The following FBXO34 variants were observed in gnomAD, a reference collection of about 807,000 sequenced individuals.
FBXO34 encodes F-box only protein 34.
Under a neutral mutation model 24.5 loss-of-function variants are expected in FBXO34, and 12 were observed. That is an observed-to-expected ratio of 0.49 (90% CI 0.31 to 0.79). The LOEUF (loss-of-function observed/expected upper bound fraction) is 0.79, where lower values mean the gene tolerates loss of function less well. Ranked by LOEUF, FBXO34 falls within the 30% of genes least tolerant of loss-of-function variation. FBXO34 has a pLI of 0.04. For missense variants in FBXO34, 823 were observed against 857.7 expected (o/e 0.96, Z 0.51); for synonymous variants, 320 against 311.9 (o/e 1.03, Z -0.27).
At chr14:55,287,632 G>A (rs1398890613) in intron 1 of FBXO34, among the ~76,000 whole-genome samples, 1 of 152,024 alleles carries the variant, frequency 6.6e-6, no homozygotes, top group African/African-American at 2.4e-5. Flanking sequence ...TAGACTTTTT[G>A]TTTGTTTGTT....
chr14:55,371,751 C>T (rs780681612), downstream of FBXO34, among the ~76,000 whole-genome samples: 56 of 151,838 alleles, frequency 3.7e-4, no homozygotes, highest in Non-Finnish European at 6.6e-4. Context: ...TTGCAGTGAG[C>T]CGAGATGGCG....
At chr14:55,439,237 C>T in the FBXO34 span, among the ~76,000 whole-genome samples, 1 of 150,012 alleles carries the variant, frequency 6.7e-6, no homozygotes, top group African/African-American at 2.4e-5. Context: ...CCTCACCCTG[C>T]CCAATGCTAA....
intron 1 of FBXO34, among the ~76,000 whole-genome samples, chr14:55,300,576 C>T (rs1882317288): frequency 1.3e-5 from 2 of 152,328 alleles, no homozygotes; most frequent in East Asian, 3.9e-4. Flanking sequence ...GCCTGGGCGA[C>T]AGAGCGAGAC....
rs556766854 is a variant in FBXO34 at position 55,281,589 on chromosome 14, A to T, written c.-11+10052A>T. On this transcript the variant is annotated intron_variant, in intron 1 of 1. Coordinates refer to ENST00000313833, the MANE Select transcript of FBXO34 (RefSeq NM_017943.4). ...TGGGACTCCCTGCAATAAACCTGGT[A>T]TTCAGGCAGTTTCCTCAGCCTTGCT... is the stretch of plus-strand genomic sequence containing the variant. 5.9e-5 allele frequency among the ~76,000 whole-genome samples: 9 copies of T among 152,304 alleles called. No homozygotes were observed. The South Asian group carries it at 1.9e-3, about 32-fold the overall frequency.
At chr14:55,370,579 A>C (rs950039050), downstream of FBXO34, among the ~76,000 whole-genome samples, 2 of 152,096 alleles carry the variant, frequency 1.3e-5, no homozygotes, top group Non-Finnish European at 2.9e-5. Flanking sequence ...CTTAGGCCTC[A>C]TCCTCTTTGC....
At chr14:55,412,414 A>T in the FBXO34 span, among the ~76,000 whole-genome samples, 1 of 152,190 alleles carries the variant, frequency 6.6e-6, no homozygotes, top group South Asian at 2.1e-4. Context: ...AATAGTGAAA[A>T]CAACCAAAGT....
At chr14:55,347,628 G>A (rs7148669) in intron 1 of FBXO34, among the ~76,000 whole-genome samples, 125,537 of 152,252 alleles carry the variant, frequency 0.82, 52,521 homozygotes, top group East Asian at 1. Flanking sequence ...CTTCCCTCAC[G>A]TCTGTTCCCT....
At chr14:55,279,284 CAAA>C (rs397767008) in intron 1 of FBXO34, among the ~76,000 whole-genome samples, 8 of 118,236 alleles carry the variant, frequency 6.8e-5, no homozygotes, top group Admixed American at 9.2e-5. Flanking sequence ...GAGACTCCGT[CAAA>C]AAAAAAAAAA....
At chr14:55,354,511 CTT>C (rs774723604), downstream of FBXO34, 2 of 152,248 alleles carry the variant, frequency 1.3e-5, no homozygotes, top group African/African-American at 2.4e-5. Flanking sequence ...ATCAGCCACT[CTT>C]GATCTGGTTT....
intron 1 of FBXO34, among the ~76,000 whole-genome samples, chr14:55,273,004 C>T (rs1025703765): frequency 2.6e-5 from 4 of 152,172 alleles, no homozygotes; most frequent in African/African-American, 9.7e-5. Context: ...TGACCCTCTT[C>T]GGGTATTCCA....
At chr14:55,385,897 A>T in the FBXO34 span, 45 of 1,613,116 alleles carry the variant, frequency 2.8e-5, no homozygotes, top group South Asian at 2.2e-4. Flanking sequence ...GAAAAATGAC[A>T]GAGGTGAGCT....
chr14:55,346,339 G>C (rs928928864), intron 1 of FBXO34, among the ~76,000 whole-genome samples: 2 of 152,192 alleles, frequency 1.3e-5, no homozygotes, highest in Non-Finnish European at 2.9e-5. Context: ...GTTGTGCTAG[G>C]GATAAAGAGT....
chr14:55,282,037 G>A (rs1398420287), intron 1 of FBXO34, among the ~76,000 whole-genome samples: 1 of 71,440 alleles, frequency 1.4e-5, no homozygotes, highest in Non-Finnish European at 2.5e-5. Context: ...TTATTCTGTT[G>A]CCAGGCTGGA....
chr14:55,281,315 A>G (rs1046559567), intron 1 of FBXO34, among the ~76,000 whole-genome samples: 6 of 151,160 alleles, frequency 4.0e-5, no homozygotes, highest in African/African-American at 1.5e-4. Context: ...TCAGGTGCCA[A>G]AGGCCACATG....
At chr14:55,411,767 G>C in the FBXO34 span, 1 of 1,606,082 alleles carries the variant, frequency 6.2e-7, no homozygotes, top group Non-Finnish European at 8.5e-7. Flanking sequence ...GAGCGGCCGG[G>C]GCCCGCAGCC....
chr14:55,382,870 A>G, the FBXO34 span, among the ~76,000 whole-genome samples: 24 of 152,322 alleles, frequency 1.6e-4, no homozygotes, highest in South Asian at 4.1e-3. Context: ...GATTACTGAT[A>G]CTGAATTAGA....
At chr14:55,437,600 C>T in the FBXO34 span, among the ~76,000 whole-genome samples, 2 of 152,220 alleles carry the variant, frequency 1.3e-5, no homozygotes, top group African/African-American at 4.8e-5. Flanking sequence ...AGTAAGTTGC[C>T]ACTCTCTAAG....
the FBXO34 span, chr14:55,436,994 G>T: frequency 1.2e-6 from 2 of 1,614,104 alleles, no homozygotes; most frequent in South Asian, 2.2e-5. Flanking sequence ...CTGAACAGGG[G>T]AGACCTGGGT....
At chr14:55,345,509 T>A (rs1397108474) in intron 1 of FBXO34, among the ~76,000 whole-genome samples, 1 of 152,188 alleles carries the variant, frequency 6.6e-6, no homozygotes, top group Non-Finnish European at 1.5e-5. Flanking sequence ...TTGGTGCTGA[T>A]GTCCCCTTCT....
Sources: gnomAD v4.1 joint callset for allele counts (sites outside exome capture counted in the v4.1 genomes callset) on GRCh38, gnomAD v4.1.1 for gene constraint, MANE v1.5 for transcripts, NCBI Gene and HGNC (gene_info 2026-07-23, HGNC 2026-07-21) for gene names.